Variants in TDP1 observed in about 807,000 individuals in gnomAD.
The protein encoded by TDP1 is tyr-DNA phosphodiesterase 1.
TDP1 carries 64 observed loss-of-function variants against 81.5 expected under a neutral mutation model. The observed-to-expected ratio is 0.79, with a 90% CI of 0.64 to 0.97. The LOEUF (loss-of-function observed/expected upper bound fraction) is 0.97, where lower values mean the gene tolerates loss of function less well. Ranked by LOEUF, TDP1 falls within the 50% of genes least tolerant of loss-of-function variation. The pLI, the probability that TDP1 is intolerant of heterozygous loss-of-function variation, is 0.00. For synonymous variants in TDP1, 256 were observed against 264.3 expected, an observed-to-expected ratio of 0.97 and a Z score of 0.30; for missense variants, 723 against 743.8, an observed-to-expected ratio of 0.97 and a Z score of 0.33.
At chr14:90,020,023 C>T (rs985750835) in intron 15 of TDP1, among the ~76,000 whole-genome samples, 3 of 152,232 alleles carry the variant, frequency 2.0e-5, no homozygotes, top group East Asian at 1.9e-4. Flanking sequence ...GGAAAAGCAC[C>T]GTGTCGAACT....
chr14:89,998,371 A>AGT (rs1491415633), intron 14 of TDP1, among the ~76,000 whole-genome samples: 1 of 77,634 alleles, frequency 1.3e-5, no homozygotes, highest in African/African-American at 7.9e-5. Flanking sequence ...TTCCAAGCAC[A>AGT]TTATATATAT....
intron 5 of TDP1, among the ~76,000 whole-genome samples, chr14:89,970,416 G>GT (rs1170435440): frequency 6.6e-6 from 1 of 152,172 alleles, no homozygotes; most frequent in African/African-American, 2.4e-5. Flanking sequence ...GTCTAGCTCA[G>GT]TACATAGCAC....
intron 11 of TDP1, 51 bp from the exon 12 acceptor site, chr14:89,989,666 T>C: frequency 7.0e-7 from 1 of 1,424,950 alleles, no homozygotes. Flanking sequence ...TATCATTCCT[T>C]TTCTTCAACA....
chr14:89,984,298 A>G lies in TDP1; in HGVS notation c.885-218A>G, dbSNP rs144702678. 468 of 985,400 alleles carry G rather than the reference A, an allele frequency of 4.7e-4. 4 individuals carry two copies. The African/African-American group carries it at 7.6e-3, about 16-fold the overall frequency. The allele number at this position is 985,400 out of a possible 1,614,324, so 61.0% of individuals were successfully genotyped here. A position where few individuals can be genotyped will look rare whatever the true frequency, so the allele number is the denominator to read the frequency against. The stretch of plus-strand genomic sequence containing the variant: ...GTGGGCAGAGCCCAGGTCTTACTGA[A>G]TCTTAAATTCATGGCAAGACATTCA... On this transcript the variant is annotated intron_variant, in intron 8 of 16. Transcript: ENST00000335725.
At chr14:89,978,632 ACT>A (rs1212539754) in intron 7 of TDP1, among the ~76,000 whole-genome samples, 1 of 152,114 alleles carries the variant, frequency 6.6e-6, no homozygotes, top group East Asian at 1.9e-4. Context: ...GAATATGGCT[ACT>A]CTCAAGTTCA....
intron 5 of TDP1, among the ~76,000 whole-genome samples, chr14:89,970,447 A>G (rs1447568766): frequency 6.6e-6 from 1 of 152,178 alleles, no homozygotes; most frequent in African/African-American, 2.4e-5. Flanking sequence ...TTTGGTGAAT[A>G]TAGATGTGGT....
intron 6 of TDP1, 102 bp downstream of exon 6, chr14:89,971,373 G>T: frequency 1.2e-6 from 1 of 837,924 alleles, no homozygotes; most frequent in Admixed American, 1.9e-5. Flanking sequence ...CCTCTCTCCA[G>T]CATCAGTCAT....
In TDP1 at chr14:89,980,825, A is replaced by T. The variant is rs964843824; in HGVS notation, c.884+193A>T. The T allele has an allele frequency of 1.8e-5, 11 of 600,074 alleles. No individual in the cohort carries two copies. In the African/African-American group the frequency reaches 1.9e-4, roughly 10 times the overall value. 37.2% of individuals were successfully genotyped at this position (600,074 alleles called of 1,614,324 possible). A position where few individuals can be genotyped will look rare whatever the true frequency, so the allele number is the denominator to read the frequency against. On this transcript the variant is annotated intron_variant, in intron 8 of 16. Coordinates refer to ENST00000335725, the MANE Select transcript of TDP1 (RefSeq NM_018319.4). ...CTGCCCCATTCTACCTTCTTGGGGT[A>T]ACCAGTGTTAACAGGAGCATCATCA...
chr14:90,027,459 C>G (rs1321653392), intron 15 of TDP1, among the ~76,000 whole-genome samples: 1 of 151,960 alleles, frequency 6.6e-6, no homozygotes, highest in Non-Finnish European at 1.5e-5. Context: ...AACAGCATGT[C>G]CCCCAGGCTC....
intron 14 of TDP1, among the ~76,000 whole-genome samples, chr14:90,013,934 C>A (rs1885015331): frequency 6.6e-6 from 1 of 152,152 alleles, no homozygotes; most frequent in Non-Finnish European, 1.5e-5. Flanking sequence ...GTGAAGCCTC[C>A]CTAGCCATGT....
intron 16 of TDP1, among the ~76,000 whole-genome samples, chr14:90,038,515 A>G (rs1166519654): frequency 1.3e-5 from 2 of 152,224 alleles, no homozygotes; most frequent in Non-Finnish European, 2.9e-5. Flanking sequence ...TCCTTTCCAA[A>G]TAAAATGCAC....
intron 10 of TDP1, among the ~76,000 whole-genome samples, chr14:89,988,285 T>A (rs1212232541): frequency 6.6e-6 from 1 of 152,146 alleles, no homozygotes. Flanking sequence ...GTTGATTACA[T>A]CACTGGCCAT....
chr14:90,019,144 A>G (rs1488231663), intron 14 of TDP1, 172 bp from the exon 15 acceptor site: 1 of 936,512 alleles, frequency 1.1e-6, no homozygotes, highest in Non-Finnish European at 1.3e-6. Flanking sequence ...CGAGGATTAG[A>G]GAACAGCAGA....
intron 7 of TDP1, among the ~76,000 whole-genome samples, chr14:89,976,527 CTTTTTTTTTTTTTT>C (rs35744477): frequency 1.1e-5 from 1 of 88,762 alleles, no homozygotes; most frequent in African/African-American, 5.0e-5. Context: ...CAACAGAGCT[CTTTTTTTTTTTTTT>C]TTTTTTTTTT....
chr14:89,987,765 G>A (rs1227740203), intron 10 of TDP1, among the ~76,000 whole-genome samples: 1 of 152,160 alleles, frequency 6.6e-6, no homozygotes, highest in Non-Finnish European at 1.5e-5. Context: ...TTGCCCTGTA[G>A]GGAGTGTCTA....
chr14:89,989,823 G>A (rs1895989484), intron 12 of TDP1, 58 bp downstream of exon 12: 1 of 1,371,072 alleles, frequency 7.3e-7, no homozygotes, highest in Non-Finnish European at 1.0e-6. Context: ...GAATGTCCTG[G>A]TAAAGTTTTA....
intron 7 of TDP1, chr14:89,980,112 A>G: frequency 2.1e-6 from 2 of 969,496 alleles, no homozygotes; most frequent in Non-Finnish European, 2.5e-6. Flanking sequence ...AATTAAATAT[A>G]TACAGTATAC....
chr14:90,040,374 G>A (rs953919938), intron 16 of TDP1, among the ~76,000 whole-genome samples: 1 of 152,178 alleles, frequency 6.6e-6, no homozygotes, highest in Non-Finnish European at 1.5e-5. Flanking sequence ...ATATTGCCAG[G>A]CCACAACCCA....
chr14:89,965,689 C>T (rs1892862599), intron 3 of TDP1: 1 of 744,554 alleles, frequency 1.3e-6, no homozygotes, highest in Non-Finnish European at 1.6e-6. Flanking sequence ...CTTTCATTCA[C>T]AGGCCACAGG....
Sources: gnomAD v4.1 joint callset for allele counts (sites outside exome capture counted in the v4.1 genomes callset) on GRCh38, gnomAD v4.1.1 for gene constraint, MANE v1.5 for transcripts, NCBI Gene and HGNC (gene_info 2026-07-23, HGNC 2026-07-21) for gene names.